Variants in WWOX observed in about 807,000 individuals in gnomAD.
WWOX encodes WW domain-containing oxidoreductase.
Under a neutral mutation model 46.2 loss-of-function variants are expected in WWOX, and 69 were observed. That is an observed-to-expected ratio of 1.49 (90% confidence interval 1.23 to 1.82). The LOEUF is 1.82. Among genes scored for constraint, WWOX ranks in the 40% most tolerant of loss-of-function variants. The probability of loss-of-function intolerance (pLI) is 0.00; values close to 1 mark genes in which losing one functional copy is unlikely to be tolerated. For synonymous variants in WWOX, 359 were observed against 202.6 expected, an observed-to-expected ratio of 1.77 and a Z score of -6.56; for missense variants, 919 against 542.6, an observed-to-expected ratio of 1.69 and a Z score of -6.89.
Position 78,619,145 on chromosome 16 carries a change from ATATATATATATAT to A in WWOX, c.1056+186394_1056+186406del, listed in dbSNP as rs2046110231. Among the ~76,000 whole-genome samples, 4 of 3,258 alleles carry A rather than the reference ATATATATATATAT, an allele frequency of 1.2e-3. 2 individuals carry two copies. Among genetic ancestry groups the A allele is most frequent in the Non-Finnish European group, 2.1e-3 (4 of 1,862 alleles). The allele number at this position is 3,258 out of a possible 152,430, so 2.1% of individuals were successfully genotyped here. A position where few individuals can be genotyped will look rare whatever the true frequency, so the allele number is the denominator to read the frequency against. The stretch of plus-strand genomic sequence containing the variant: ...ACCCCATTTCTACTAAAAAAAAAAT[ATATATATATATAT>A]ATATATATATATATATATATATATA... On this transcript the variant is annotated intron_variant, in intron 8 of 8. Transcript: ENST00000566780.
chr16:78,792,865 C>G (rs1402811962), intron 8 of WWOX, among the ~76,000 whole-genome samples: 1 of 152,096 alleles, frequency 6.6e-6, no homozygotes, highest in Non-Finnish European at 1.5e-5. Flanking sequence ...GGGGATTTAG[C>G]AGTAACAGAA....
chr16:78,579,078 A>G (rs2044979946), intron 8 of WWOX, among the ~76,000 whole-genome samples: 1 of 151,822 alleles, frequency 6.6e-6, no homozygotes, highest in Non-Finnish European at 1.5e-5. Flanking sequence ...CTTGTCAGCC[A>G]CTTCATCATG....
chr16:78,173,505 C>T (rs1029620811), intron 5 of WWOX, among the ~76,000 whole-genome samples: 2 of 151,328 alleles, frequency 1.3e-5, no homozygotes, highest in African/African-American at 4.9e-5. Context: ...ACCACGTTGC[C>T]CAGGCTAGTC....
intron 8 of WWOX, among the ~76,000 whole-genome samples, chr16:78,800,835 C>G (rs1043240104): frequency 1.8e-4 from 27 of 152,174 alleles, no homozygotes; most frequent in Non-Finnish European, 4.0e-4. Flanking sequence ...CTCCCCAGCA[C>G]TCACTTGACA....
chr16:78,953,093 T>C (rs1045347753), intron 8 of WWOX, among the ~76,000 whole-genome samples: 27 of 151,912 alleles, frequency 1.8e-4, no homozygotes, highest in African/African-American at 6.0e-4. Flanking sequence ...ACCAACCAAA[T>C]TGACTGTTAA....
intron 5 of WWOX, among the ~76,000 whole-genome samples, chr16:78,331,192 T>C (rs1317563928): frequency 6.6e-6 from 1 of 152,258 alleles, no homozygotes; most frequent in African/African-American, 2.4e-5. Flanking sequence ...ACTAAAATAT[T>C]CATTTGCAGA....
chr16:78,326,569 C>A (rs1015591949), intron 5 of WWOX, among the ~76,000 whole-genome samples: 2 of 51,036 alleles, frequency 3.9e-5, no homozygotes, highest in East Asian at 1.7e-3. Flanking sequence ...TCTGCCTGCC[C>A]TCCCCCCGCC....
At chr16:78,725,967 TCTC>T (rs1264823337) in intron 8 of WWOX, among the ~76,000 whole-genome samples, 2 of 151,106 alleles carry the variant, frequency 1.3e-5, no homozygotes, top group Non-Finnish European at 3.0e-5. Context: ...TTTCTTTTCT[TCTC>T]CTCCTCCTTC....
intron 8 of WWOX, among the ~76,000 whole-genome samples, chr16:78,563,475 G>C (rs2044487164): frequency 6.7e-6 from 1 of 149,258 alleles, no homozygotes; most frequent in Non-Finnish European, 1.5e-5. Context: ...CAGGATACGG[G>C]CACTCGTGTG....
intron 8 of WWOX, among the ~76,000 whole-genome samples, chr16:79,059,160 T>C (rs999307668): frequency 6.6e-6 from 1 of 152,232 alleles, no homozygotes; most frequent in Non-Finnish European, 1.5e-5. Context: ...GGGAGAATTA[T>C]GGAACAATAA....
intron 6 of WWOX, among the ~76,000 whole-genome samples, chr16:78,403,241 C>G (rs2082454190): frequency 1.3e-5 from 2 of 152,188 alleles, no homozygotes; most frequent in African/African-American, 4.8e-5. Context: ...GTAAATTCAC[C>G]TCTGCCACCA....
intron 8 of WWOX, among the ~76,000 whole-genome samples, chr16:78,636,611 T>A (rs1366808205): frequency 6.6e-6 from 1 of 152,198 alleles, no homozygotes; most frequent in Non-Finnish European, 1.5e-5. Context: ...ATGGGAACTT[T>A]TAAAACTGAT....
chr16:78,105,935 G>A (rs1248200545), intron 1 of WWOX, among the ~76,000 whole-genome samples: 2 of 152,174 alleles, frequency 1.3e-5, no homozygotes, highest in African/African-American at 4.8e-5. Flanking sequence ...TCAAGTAGCT[G>A]GGATTACAGG....
intron 8 of WWOX, among the ~76,000 whole-genome samples, chr16:78,763,824 A>T (rs969994440): frequency 2.8e-4 from 42 of 152,238 alleles, no homozygotes; most frequent in African/African-American, 8.9e-4. Context: ...TTGTCAGCAT[A>T]GTAGAGCTGG....
At chr16:78,342,727 C>T (rs79875277) in intron 5 of WWOX, among the ~76,000 whole-genome samples, 2,077 of 120,538 alleles carry the variant, frequency 0.017, 485 homozygotes, top group African/African-American at 0.055. Flanking sequence ...CCAGGGATAG[C>T]ACCATTACTC....
chr16:78,401,724 G>C (rs1356778011), intron 6 of WWOX, among the ~76,000 whole-genome samples: 3 of 151,968 alleles, frequency 2.0e-5, no homozygotes, highest in Non-Finnish European at 2.9e-5. Flanking sequence ...TTTTGAGACG[G>C]AGTCTTGCTC....
intron 8 of WWOX, among the ~76,000 whole-genome samples, chr16:78,912,369 A>G (rs918206487): frequency 2.0e-5 from 3 of 151,886 alleles, no homozygotes; most frequent in African/African-American, 7.2e-5. Context: ...TGTCATCTGC[A>G]TTTTGCACAT....
At chr16:79,048,147 A>G (rs1019620238) in intron 8 of WWOX, among the ~76,000 whole-genome samples, 2 of 152,312 alleles carry the variant, frequency 1.3e-5, no homozygotes, top group East Asian at 3.9e-4. Context: ...TTCATGGAGC[A>G]TGGAGAAGCT....
At chr16:78,382,966 C>T (rs985709273) in intron 5 of WWOX, among the ~76,000 whole-genome samples, 2 of 151,588 alleles carry the variant, frequency 1.3e-5, no homozygotes, top group African/African-American at 4.9e-5. Flanking sequence ...AGGAAACTTC[C>T]AATCATGGCG....
Sources: allele counts gnomAD v4.1 joint callset (sites outside exome capture counted in the v4.1 genomes callset), GRCh38; gene constraint gnomAD v4.1.1; transcripts MANE v1.5; gene names NCBI Gene and HGNC (gene_info 2026-07-23, HGNC 2026-07-21).